Variants in PTPRD observed in about 807,000 individuals in gnomAD.
The protein encoded by PTPRD is receptor-type tyrosine-protein phosphatase delta.
In PTPRD, 34 loss-of-function variants were observed where a neutral mutation model predicts 214.5. That is an observed-to-expected ratio of 0.16 (90% confidence interval 0.12 to 0.21). The LOEUF is 0.21. PTPRD is among the 10% of genes least tolerant of loss of function. The pLI, the probability that PTPRD is intolerant of heterozygous loss-of-function variation, is 1.00. For synonymous variants in PTPRD, 1,128 were observed against 845.7 expected (o/e 1.33, Z -5.79); for missense variants, 2,545 against 2,398.7 (o/e 1.06, Z -1.27).
chr9:9,985,645 TACACC>T (rs2095684362), intron 4 of PTPRD, among the ~76,000 whole-genome samples: 1 of 152,098 alleles, frequency 6.6e-6, no homozygotes, highest in South Asian at 2.1e-4. Context: ...ATTCTATAGA[TACACC>T]ACCTTTCATT....
rs2137505844 is a variant in PTPRD at position 8,507,407 on chromosome 9, G to A, written c.1571C>T (p.Ala524Val). The change falls in exon 22 of 46, where the codon GCA becomes GTA. Residue 524 changes from alanine to valine, a missense_variant. By Grantham distance (64) the Ala-to-Val change is moderately conservative. Coordinates refer to ENST00000381196, the MANE Select transcript of PTPRD (RefSeq NM_002839.4). ...AATACTTGTTTCAGACTCAGGTTCT[G>A]CTTTGAAGTTTAGTGGCTGCCCTGG... is the stretch of plus-strand genomic sequence containing the variant. Reference protein sequence around the residue: ...GVPGQPLNFKAEPESETSILL... With the variant: ...GVPGQPLNFKVEPESETSILL... 1.2e-6 allele frequency: 2 copies of A among 1,613,986 alleles called. No homozygotes were observed. Among genetic ancestry groups the A allele is most frequent in the Non-Finnish European group, 1.7e-6 (2 of 1,179,866 alleles).
chr9:9,906,345 A>G (rs1347677902), intron 5 of PTPRD, among the ~76,000 whole-genome samples: 7 of 151,968 alleles, frequency 4.6e-5, no homozygotes, highest in Admixed American at 2.0e-4. Flanking sequence ...AGTAATTCCA[A>G]CTTCACTCTA....
At chr9:8,521,185 T>A (rs1423944129) in intron 20 of PTPRD, 92 bp downstream of exon 20, 1 of 1,386,530 alleles carries the variant, frequency 7.2e-7, no homozygotes, top group East Asian at 2.3e-5. Context: ...AATAATGAAT[T>A]ATTTTAGATT....
At chr9:8,688,866 A>G (rs1361710675) in intron 12 of PTPRD, among the ~76,000 whole-genome samples, 3 of 152,218 alleles carry the variant, frequency 2.0e-5, no homozygotes, top group East Asian at 3.8e-4. Flanking sequence ...AATAATCTCT[A>G]AAGTCCCTTG....
chr9:9,008,077 A>T (rs1282587864), intron 11 of PTPRD, among the ~76,000 whole-genome samples: 1 of 147,116 alleles, frequency 6.8e-6, no homozygotes, highest in Non-Finnish European at 1.5e-5. Flanking sequence ...GAAAATTGAT[A>T]AAGAAAGATG....
intron 9 of PTPRD, among the ~76,000 whole-genome samples, chr9:9,359,460 C>T (rs937484094): frequency 3.3e-5 from 5 of 151,202 alleles, no homozygotes; most frequent in African/African-American, 1.2e-4. Flanking sequence ...TCATCTCTGT[C>T]CTGATCTTCA....
intron 35 of PTPRD, among the ~76,000 whole-genome samples, chr9:8,430,487 G>A (rs2094972050): frequency 6.7e-6 from 1 of 149,912 alleles, no homozygotes; most frequent in South Asian, 2.1e-4. Context: ...ATGTTGCCTA[G>A]GCTGGTCTCA....
At position 8,568,202 on chromosome 9, in the gene PTPRD, G is replaced by A. The variant is rs190685609; in HGVS notation, c.353-39423C>T. ...ATACAAGTGTTCTATACATTGCAGA[G>A]ATGCTAAGTTACATTTAATACCATT... On this transcript the variant is annotated intron_variant, in intron 14 of 45. Transcript: ENST00000381196. Among the ~76,000 whole-genome samples the A allele has an allele frequency of 5.3e-5, 8 of 152,256 alleles. No individual in the cohort carries two copies. The East Asian group carries it at 1.5e-3, about 29-fold the overall frequency.
intron 9 of PTPRD, among the ~76,000 whole-genome samples, chr9:9,285,207 C>A (rs879639267): frequency 1.3e-5 from 2 of 151,696 alleles, no homozygotes; most frequent in African/African-American, 2.4e-5. Context: ...TCTATATGTT[C>A]TGAAAATAGT....
intron 14 of PTPRD, among the ~76,000 whole-genome samples, chr9:8,554,336 AT>A (rs1257131256): frequency 6.6e-6 from 1 of 152,230 alleles, no homozygotes; most frequent in African/African-American, 2.4e-5. Flanking sequence ...AAAAATGATT[AT>A]TCTCATGTTT....
chr9:9,028,075 C>T (rs776477012), intron 10 of PTPRD, among the ~76,000 whole-genome samples: 2 of 151,922 alleles, frequency 1.3e-5, no homozygotes, highest in Non-Finnish European at 2.9e-5. Context: ...CCTGACAAAG[C>T]ATTTGCCACA....
intron 8 of PTPRD, among the ~76,000 whole-genome samples, chr9:9,436,323 C>T (rs915762804): frequency 9.2e-5 from 14 of 151,978 alleles, no homozygotes; most frequent in African/African-American, 3.1e-4. Flanking sequence ...CCTCCTATTC[C>T]CTGAGACCCA....
chr9:10,131,575 C>T (rs1352495021), intron 3 of PTPRD, among the ~76,000 whole-genome samples: 1 of 152,172 alleles, frequency 6.6e-6, no homozygotes, highest in Non-Finnish European at 1.5e-5. Flanking sequence ...CTTACAAATA[C>T]TTAGAGTGCC....
At chr9:9,414,941 C>G (rs970198234) in intron 8 of PTPRD, 2 of 152,192 alleles carry the variant, frequency 1.3e-5, no homozygotes, top group East Asian at 1.9e-4. Context: ...TCACACAGGG[C>G]TCTGACTTTA....
At chr9:10,413,645 A>C (rs879456457) in intron 2 of PTPRD, among the ~76,000 whole-genome samples, 2 of 151,986 alleles carry the variant, frequency 1.3e-5, no homozygotes, top group Non-Finnish European at 2.9e-5. Flanking sequence ...GAGCCCAAAT[A>C]GCGAAGGCAA....
intron 8 of PTPRD, among the ~76,000 whole-genome samples, chr9:9,465,845 GGTGGGT>G (rs2094108371): frequency 6.6e-6 from 1 of 152,000 alleles, no homozygotes; most frequent in Non-Finnish European, 1.5e-5. Context: ...TTGGTAAGGA[GGTGGGT>G]ATTAGCCATG....
Position 10,296,521 on chromosome 9 carries a change from A to G in PTPRD, c.-545+44442T>C, listed in dbSNP as rs117953766. ...GCTATATAAACCCCTAACTCGAGTC[A>G]GTTATGGATCTGGAGTTGAGACTGA... is the stretch of plus-strand genomic sequence containing the variant. On this transcript the variant is annotated intron_variant, in intron 3 of 45. Transcript: ENST00000381196. 9.3e-3 allele frequency among the ~76,000 whole-genome samples: 1,408 copies of G among 152,142 alleles called. 11 individuals carry two copies. Among genetic ancestry groups the G allele is most frequent in the South Asian group, 0.023 (109 of 4,822 alleles).
At chr9:9,783,282 TTA>T (rs1391189561) in intron 5 of PTPRD, among the ~76,000 whole-genome samples, 76 of 152,292 alleles carry the variant, frequency 5.0e-4, no homozygotes, top group African/African-American at 1.7e-3. Context: ...AGTGAGCGTA[TTA>T]TACAGTGCAG....
intron 10 of PTPRD, among the ~76,000 whole-genome samples, chr9:9,053,382 C>G (rs552477987): frequency 6.8e-6 from 1 of 146,994 alleles, no homozygotes; most frequent in African/African-American, 2.5e-5. Context: ...GTTATGATGG[C>G]CAATGATGAT....
Sources: allele counts gnomAD v4.1 joint callset (sites outside exome capture counted in the v4.1 genomes callset), GRCh38; gene constraint gnomAD v4.1.1; transcripts MANE v1.5; gene names NCBI Gene and HGNC (gene_info 2026-07-23, HGNC 2026-07-21).